CRACD: variants seen among roughly 807,000 people sequenced by gnomAD.
CRACD encodes the protein capping protein-inhibiting regulator of actin dynamics.
A neutral mutation model predicts 106.8 loss-of-function variants in CRACD; 56 were observed. That is an observed-to-expected ratio of 0.52 (90% confidence interval 0.42 to 0.66). The LOEUF (loss-of-function observed/expected upper bound fraction) is 0.66. CRACD is among the 30% of genes least tolerant of loss of function. The pLI, the probability that CRACD is intolerant of heterozygous loss-of-function variation, is 0.00. For synonymous variants in CRACD, 754 were observed against 670.8 expected, an observed-to-expected ratio of 1.12 and a Z score of -1.92; for missense variants, 1,730 against 1,623.2, an observed-to-expected ratio of 1.07 and a Z score of -1.13.
At chr4:56,149,823 T>G (rs1282001943) in intron 1 of CRACD, among the ~76,000 whole-genome samples, 3 of 152,352 alleles carry the variant, frequency 2.0e-5, no homozygotes, top group East Asian at 3.9e-4. Context: ...TGTGCATTCT[T>G]GATGTCAAAG....
chr4:56,133,445 C>A (rs1734891172), intron 1 of CRACD, among the ~76,000 whole-genome samples: 1 of 152,064 alleles, frequency 6.6e-6, no homozygotes, highest in Non-Finnish European at 1.5e-5. Context: ...TCACTGTCTC[C>A]CATCAATCAA....
chr4:56,081,009 T>C (rs528789119), intron 1 of CRACD, among the ~76,000 whole-genome samples: 1 of 152,206 alleles, frequency 6.6e-6, no homozygotes, highest in Non-Finnish European at 1.5e-5. Flanking sequence ...CATAACTGTT[T>C]TTTGTTTATT....
At chr4:56,254,596 A>C (rs142153814) in intron 2 of CRACD, among the ~76,000 whole-genome samples, 1 of 152,192 alleles carries the variant, frequency 6.6e-6, no homozygotes, top group Non-Finnish European at 1.5e-5. Context: ...GGTCCAGGGA[A>C]GGTTAGTGTC....
chr4:56,195,004 G>A (rs1737539772), intron 2 of CRACD, among the ~76,000 whole-genome samples: 1 of 152,140 alleles, frequency 6.6e-6, no homozygotes, highest in South Asian at 2.1e-4. Flanking sequence ...ATACATTTAG[G>A]ACTTTTAAAA....
chr4:56,173,157 G>A (rs1736449370), intron 1 of CRACD, among the ~76,000 whole-genome samples: 1 of 152,184 alleles, frequency 6.6e-6, no homozygotes, highest in Admixed American at 6.5e-5. Context: ...CAGGAGCTGT[G>A]AAACATCCTG....
chr4:56,279,907 T>C (rs1306690619), intron 3 of CRACD, among the ~76,000 whole-genome samples: 2 of 151,842 alleles, frequency 1.3e-5, no homozygotes, highest in Non-Finnish European at 2.9e-5. Context: ...TGTCCAACAA[T>C]GATAGACTGG....
chr4:56,216,809 T>C (rs367870686), intron 2 of CRACD, among the ~76,000 whole-genome samples: 1 of 149,668 alleles, frequency 6.7e-6, no homozygotes, highest in Admixed American at 6.6e-5. Flanking sequence ...TGAAACCCCG[T>C]CTCTACTAAA....
intron 2 of CRACD, among the ~76,000 whole-genome samples, chr4:56,214,813 C>A (rs1251458729): frequency 6.6e-6 from 1 of 151,638 alleles, no homozygotes; most frequent in South Asian, 2.1e-4. Flanking sequence ...GAGTTCGAGA[C>A]AAGTCTGGCC....
chr4:56,149,476 G>C lies in CRACD; in HGVS notation c.-335-29808G>C, dbSNP rs148003957. On this transcript the variant is annotated intron_variant, in intron 1 of 10. Coordinates refer to ENST00000682029, the MANE Select transcript of CRACD (RefSeq NM_001393381.1). ...TTCTTTTGTGACATTTCCTTATTCA[G>C]TTCCTTTTAAATATTCTACATGTGC... is the stretch of plus-strand genomic sequence containing the variant. 1.6e-3 allele frequency among the ~76,000 whole-genome samples: 240 copies of C among 152,244 alleles called. 2 individuals carry two copies. Among genetic ancestry groups the C allele is most frequent in the African/African-American group, 5.0e-3 (207 of 41,544 alleles).
chr4:56,155,483 C>T (rs140861475), intron 1 of CRACD, among the ~76,000 whole-genome samples: 11 of 152,270 alleles, frequency 7.2e-5, no homozygotes, highest in Non-Finnish European at 1.3e-4. Flanking sequence ...AAAAATAATA[C>T]AAAACATTGC....
intron 3 of CRACD, among the ~76,000 whole-genome samples, chr4:56,292,554 T>G (rs1056300118): frequency 2.6e-5 from 4 of 151,986 alleles, no homozygotes; most frequent in African/African-American, 9.7e-5. Context: ...AGACAGAGTC[T>G]TGCTCTGTCG....
chr4:56,089,387 C>T (rs947023793), intron 1 of CRACD, among the ~76,000 whole-genome samples: 6 of 152,268 alleles, frequency 3.9e-5, no homozygotes, highest in African/African-American at 1.4e-4. Context: ...AGCCCTATCA[C>T]TTTTCTTGAT....
intron 1 of CRACD, among the ~76,000 whole-genome samples, chr4:56,085,204 C>T (rs553270672): frequency 5.3e-5 from 8 of 152,268 alleles, no homozygotes; most frequent in South Asian, 2.1e-4. Context: ...AGAGGAGGAA[C>T]GGACAGTGGA....
intron 7 of CRACD, among the ~76,000 whole-genome samples, 166 bp from the exon 8 acceptor site, chr4:56,313,874 T>G (rs146507162): frequency 1.3e-5 from 2 of 152,106 alleles, no homozygotes; most frequent in African/African-American, 4.8e-5. Context: ...GACAGAGTCT[T>G]GCGTGGGGTG....
rs558783592 is a variant in CRACD at position 56,169,321 on chromosome 4, A to G, written c.-335-9963A>G. ...TGGGAACAAGCATCATATCTAAAGT[A>G]TAAATAATTTTTATCATCTAATCAG... On this transcript the variant is annotated intron_variant, in intron 1 of 10. Coordinates refer to ENST00000682029, the MANE Select transcript of CRACD (RefSeq NM_001393381.1). 2.0e-5 allele frequency among the ~76,000 whole-genome samples: 3 copies of G among 152,306 alleles called. No individual in the cohort carries two copies. In the East Asian group the frequency reaches 5.8e-4, roughly 29 times the overall value.
At chr4:56,296,101 C>T (rs754384003) in intron 3 of CRACD, among the ~76,000 whole-genome samples, 6 of 152,186 alleles carry the variant, frequency 3.9e-5, no homozygotes, top group Non-Finnish European at 4.4e-5. Context: ...CCGTCTTCCT[C>T]TCCCATACCC....
chr4:56,172,705 C>T (rs529893733), intron 1 of CRACD, among the ~76,000 whole-genome samples: 8 of 152,034 alleles, frequency 5.3e-5, no homozygotes, highest in East Asian at 1.9e-4. Flanking sequence ...CTCACTGCAA[C>T]GTCCACCTCC....
chr4:56,134,285 G>C (rs1734926618), intron 1 of CRACD, among the ~76,000 whole-genome samples: 1 of 152,126 alleles, frequency 6.6e-6, no homozygotes, highest in Non-Finnish European at 1.5e-5. Context: ...TTGGATGTTA[G>C]TGGCACTAAT....
At chr4:56,086,605 C>T (rs1733227512) in intron 1 of CRACD, among the ~76,000 whole-genome samples, 1 of 152,166 alleles carries the variant, frequency 6.6e-6, no homozygotes, top group Non-Finnish European at 1.5e-5. Context: ...CTCATCTAAT[C>T]CATGCAAATC....
Sources: allele counts gnomAD v4.1 joint callset (sites outside exome capture counted in the v4.1 genomes callset), GRCh38; gene constraint gnomAD v4.1.1; transcripts MANE v1.5; gene names NCBI Gene and HGNC (gene_info 2026-07-23, HGNC 2026-07-21).